The following LRRC56 variants were observed in gnomAD, a reference collection of about 807,000 sequenced individuals.
LRRC56 encodes the protein leucine rich repeat containing 56.
A neutral mutation model predicts 47.8 loss-of-function variants in LRRC56; 41 were observed. That is an observed-to-expected ratio of 0.86 (90% confidence interval 0.67 to 1.11). LRRC56 has a LOEUF of 1.11. Ranked by LOEUF, LRRC56 falls within the 50% of genes most tolerant of loss-of-function variation. The probability of loss-of-function intolerance (pLI) is 0.00; values close to 1 mark genes in which losing one functional copy is unlikely to be tolerated. For missense variants in LRRC56, 759 were observed against 704.2 expected (o/e 1.08, Z -0.88); for synonymous variants, 387 against 311.2 (o/e 1.24, Z -2.56).
At chr11:531,573 G>A in the LRRC56 span, among the ~76,000 whole-genome samples, 15 of 152,326 alleles carry the variant, frequency 9.8e-5, no homozygotes, top group Non-Finnish European at 1.8e-4. Flanking sequence ...CAGCCATGAG[G>A]CAGGCGTGGG....
chr11:542,744 C>T (rs751060782), intron 5 of LRRC56, among the ~76,000 whole-genome samples: 3 of 152,118 alleles, frequency 2.0e-5, no homozygotes, highest in Non-Finnish European at 4.4e-5. Flanking sequence ...GGACATGCAA[C>T]ACCCCTTTAT....
upstream of LRRC56, chr11:532,577 G>A (rs996159995): frequency 5.0e-5 from 79 of 1,577,136 alleles, no homozygotes; most frequent in East Asian, 1.4e-4. Context: ...CGGCAGGGGC[G>A]GGGAGCCGGG....
chr11:510,441 A>C, the LRRC56 span, among the ~76,000 whole-genome samples: 1 of 151,534 alleles, frequency 6.6e-6, no homozygotes, highest in African/African-American at 2.4e-5. Flanking sequence ...ATCTCTACTA[A>C]AAATACAAAA....
At chr11:538,152 G>A (rs1851612907) in intron 1 of LRRC56, among the ~76,000 whole-genome samples, 1 of 152,166 alleles carries the variant, frequency 6.6e-6, no homozygotes, top group South Asian at 2.1e-4. Context: ...GTTCAATGGG[G>A]TCTTTGGATC....
In LRRC56 at chr11:551,209, G is replaced by A. The variant is rs1195101010; in HGVS notation, c.703G>A (p.Ala235Thr). The change falls in exon 9 of 14, where the codon GCA becomes ACA. Residue 235 changes from alanine to threonine, a missense_variant. Ala to Thr is a moderately conservative substitution (Grantham distance 58). Transcript: ENST00000270115. ...QLQVLDEVPA[A>T]HTGPPAPPRL... Reference sequence around the variant, plus strand: ...GCAGGTCCTGGACGAAGTGCCGGCCGCACACACAGGCCCACCGGCCCCCCC... The same window carrying A: ...GCAGGTCCTGGACGAAGTGCCGGCCACACACACAGGCCCACCGGCCCCCCC... 26 of 1,545,676 alleles carry A rather than the reference G, an allele frequency of 1.7e-5. No homozygotes were observed. Among genetic ancestry groups the A allele is most frequent in the South Asian group, 7.2e-5 (6 of 83,656 alleles).
At chr11:533,988 G>C (rs548634688), upstream of LRRC56, 32 of 1,587,428 alleles carry the variant, frequency 2.0e-5, no homozygotes, top group South Asian at 3.2e-4. Flanking sequence ...GACCTTCCGT[G>C]GGGGGAGTTC....
Position 554,298 on chromosome 11 carries a change from T to C in LRRC56, c.*22T>C. ...TTAATATAGCCCCCACTGCCAGGCT[T>C]CCCTGTGCTGGGGCCACGACTTGCC... On this transcript the variant is annotated 3_prime_UTR_variant, in exon 14 of 14. Coordinates refer to ENST00000270115, the MANE Select transcript of LRRC56 (RefSeq NM_198075.4). 1 of 1,475,274 alleles carries C rather than the reference T, an allele frequency of 6.8e-7. No individual in the cohort carries two copies. Among genetic ancestry groups the C allele is most frequent in the South Asian group, 1.4e-5 (1 of 72,584 alleles). 91.4% of individuals were successfully genotyped at this position (1,475,274 alleles called of 1,614,324 possible). A position where few individuals can be genotyped will look rare whatever the true frequency, so the allele number is the denominator to read the frequency against.
chr11:507,911 T>C, the LRRC56 span, among the ~76,000 whole-genome samples: 1 of 152,224 alleles, frequency 6.6e-6, no homozygotes, highest in African/African-American at 2.4e-5. Context: ...TCCGAGCTGC[T>C]CCTGCGTCCA....
chr11:512,848 G>A, the LRRC56 span, among the ~76,000 whole-genome samples: 1 of 152,216 alleles, frequency 6.6e-6, no homozygotes, highest in African/African-American at 2.4e-5. Context: ...CCCCTCGAGG[G>A]TTCCTGGCTT....
At chr11:534,721 G>C (rs1017437030), upstream of LRRC56, 32 of 287,868 alleles carry the variant, frequency 1.1e-4, no homozygotes, top group Middle Eastern at 1.1e-3. Context: ...CCGTCCTCCA[G>C]AACAGGTCTG....
chr11:526,021 C>A, the LRRC56 span, among the ~76,000 whole-genome samples: 2 of 151,988 alleles, frequency 1.3e-5, no homozygotes, highest in Admixed American at 6.6e-5. Context: ...GTATGGGCAA[C>A]CTGGTGAAAC....
chr11:522,183 T>A, the LRRC56 span, among the ~76,000 whole-genome samples: 1 of 151,980 alleles, frequency 6.6e-6, no homozygotes, highest in African/African-American at 2.4e-5. Flanking sequence ...TGGGTTCAAG[T>A]GATTCTCACT....
chr11:510,205 C>T, the LRRC56 span, among the ~76,000 whole-genome samples: 1 of 152,162 alleles, frequency 6.6e-6, no homozygotes, highest in Admixed American at 6.5e-5. Context: ...CATGAGATGC[C>T]ATCTAGAGAA....
the LRRC56 span, among the ~76,000 whole-genome samples, chr11:531,906 G>A: frequency 6.6e-6 from 1 of 152,330 alleles, no homozygotes; most frequent in Non-Finnish European, 1.5e-5. Context: ...TCACCGCCAA[G>A]AAGGCTCCCA....
chr11:533,590 C>A, upstream of LRRC56: 2 of 1,613,878 alleles, frequency 1.2e-6, no homozygotes, highest in Non-Finnish European at 1.7e-6. Context: ...TCATCCGAGT[C>A]CTTCACCCGT....
the LRRC56 span, among the ~76,000 whole-genome samples, chr11:518,787 C>A: frequency 6.6e-6 from 1 of 152,116 alleles, no homozygotes; most frequent in Non-Finnish European, 1.5e-5. Flanking sequence ...CCGGAGAGGA[C>A]TCGCGGCGCC....
chr11:524,396 C>G, the LRRC56 span, among the ~76,000 whole-genome samples: 1 of 152,104 alleles, frequency 6.6e-6, no homozygotes, highest in Non-Finnish European at 1.5e-5. Flanking sequence ...CTTTGGGAGG[C>G]TGAGGCGGGT....
the LRRC56 span, among the ~76,000 whole-genome samples, chr11:527,720 G>A: frequency 1.9e-5 from 2 of 106,486 alleles, no homozygotes; most frequent in South Asian, 3.1e-4. Context: ...TTTTTTTTGA[G>A]ACAGAGTTTC....
At chr11:533,342 G>A, upstream of LRRC56, 1 of 1,605,966 alleles carries the variant, frequency 6.2e-7, no homozygotes, top group South Asian at 1.1e-5. Flanking sequence ...GCTGGAGCTA[G>A]AGCCAGAGCG....
Sources: gnomAD v4.1 joint callset for allele counts (sites outside exome capture counted in the v4.1 genomes callset) on GRCh38, gnomAD v4.1.1 for gene constraint, MANE v1.5 for transcripts, NCBI Gene and HGNC (gene_info 2026-07-23, HGNC 2026-07-21) for gene names.